Variants in TUBGCP3 observed in about 807,000 individuals in gnomAD.
TUBGCP3 encodes gamma-tubulin complex component 3.
TUBGCP3 carries 50 observed loss-of-function variants against 123.1 expected under a neutral mutation model. The ratio of observed to expected loss-of-function variants is 0.41; its 90% confidence interval spans 0.32 to 0.51. The LOEUF is 0.51. Among genes scored for constraint, TUBGCP3 ranks in the 20% least tolerant of loss-of-function variants. The pLI is 0.36. For synonymous variants in TUBGCP3, 405 were observed against 413.9 expected (o/e 0.98, Z 0.26); for missense variants, 882 against 1,127.0 (o/e 0.78, Z 3.11).
the TUBGCP3 span, among the ~76,000 whole-genome samples, chr13:112,596,104 T>C: frequency 4.6e-5 from 7 of 152,220 alleles, no homozygotes; most frequent in African/African-American, 1.4e-4. Context: ...AAATATTTCC[T>C]CTACAAACAT....
At chr13:112,560,195 C>T (rs1402211676) in intron 3 of TUBGCP3, among the ~76,000 whole-genome samples, 2 of 150,600 alleles carry the variant, frequency 1.3e-5, no homozygotes, top group Non-Finnish European at 3.0e-5. Flanking sequence ...CTTTGGGAGG[C>T]CGAGGCGGGC....
chr13:112,508,910 G>A lies in TUBGCP3; in HGVS notation c.2087-4196C>T, dbSNP rs891322271. On this transcript the variant is annotated intron_variant, in intron 17 of 21. Coordinates refer to ENST00000261965, the MANE Select transcript of TUBGCP3 (RefSeq NM_006322.6). This position sits in a 1 kb window ranked among gnomAD's most constrained non-coding sequence, Gnocchi z 4.2. ...AATCCATTCCCTTCCCTCCAGCCCC[G>A]CGGCTGCTGTAACCATAAAGGCCAA... Among the ~76,000 whole-genome samples, 3 of 151,958 alleles carry A rather than the reference G, an allele frequency of 2.0e-5. No homozygotes were observed. Among genetic ancestry groups the A allele is most frequent in the East Asian group, 1.9e-4 (1 of 5,162 alleles).
intron 5 of TUBGCP3, 57 bp from the exon 6 acceptor site, chr13:112,556,281 T>C: frequency 6.5e-7 from 1 of 1,537,944 alleles, no homozygotes; most frequent in Middle Eastern, 1.7e-4. Context: ...GAGACAAAAG[T>C]GTCCCTAGAA....
chr13:112,495,964 G>C (rs946374321), intron 20 of TUBGCP3, among the ~76,000 whole-genome samples: 2 of 151,986 alleles, frequency 1.3e-5, no homozygotes, highest in African/African-American at 4.8e-5. Context: ...TAGAATAAAA[G>C]AAGAAATATT....
At chr13:112,523,973 C>T (rs906510045) in intron 13 of TUBGCP3, among the ~76,000 whole-genome samples, 2 of 152,126 alleles carry the variant, frequency 1.3e-5, no homozygotes, top group African/African-American at 2.4e-5. Flanking sequence ...CTTTGCTCTC[C>T]GCAGACCCTG....
rs201766215 is a variant in TUBGCP3, at chr13:112,556,039, G to A, written c.721+13C>T. The stretch of plus-strand genomic sequence containing the variant: ...TTCACAGAAAAGCTGTATTAACATA[G>A]ATCCTTACTCACCACCCGTATCCCC... On this transcript the variant is annotated intron_variant, in intron 6 of 21. Coordinates refer to ENST00000261965, the MANE Select transcript of TUBGCP3 (RefSeq NM_006322.6). 1.2e-4 allele frequency: 186 copies of A among 1,608,656 alleles called. 1 individual carries two copies. In the African/African-American group the frequency reaches 2.3e-3, roughly 20 times the overall value.
chr13:112,518,168 C>G (rs910788721), intron 16 of TUBGCP3, among the ~76,000 whole-genome samples: 1 of 152,124 alleles, frequency 6.6e-6, no homozygotes, highest in South Asian at 2.1e-4. Flanking sequence ...GGTTTCTTAC[C>G]CCCAAGAGGA....
intron 8 of TUBGCP3, among the ~76,000 whole-genome samples, chr13:112,550,735 T>C (rs971271479): frequency 1.3e-5 from 2 of 152,228 alleles, no homozygotes; most frequent in Non-Finnish European, 2.9e-5. Context: ...CATCACTCTT[T>C]ACCAAAACTC....
In TUBGCP3 at chr13:112,508,045, C is replaced by T. The variant is rs1881421399; in HGVS notation, c.2087-3331G>A. On this transcript the variant is annotated intron_variant, in intron 17 of 21. Transcript: ENST00000261965. The surrounding 1 kb of genome is among the most constrained non-coding windows in gnomAD (Gnocchi z 4.2). ...GTCAGCCTAAACTCCTGACATCCCACTCCAGCCCATCCCAGTGCTGCCTGG... is the reference window on the plus strand; with the variant it reads ...GTCAGCCTAAACTCCTGACATCCCATTCCAGCCCATCCCAGTGCTGCCTGG... Among the ~76,000 whole-genome samples, 1 of 152,184 alleles carries T rather than the reference C, an allele frequency of 6.6e-6. No homozygotes were observed. The highest frequency in any genetic ancestry group is 6.5e-5 in the Admixed American group (1 of 15,282).
At chr13:112,553,991 T>G in intron 8 of TUBGCP3, 66 bp downstream of exon 8, 1 of 1,568,200 alleles carries the variant, frequency 6.4e-7, no homozygotes, top group Non-Finnish European at 8.6e-7. Context: ...CACAGTAAGA[T>G]TTCAACTAGA....
At chr13:112,514,326 G>A (rs566401515) in intron 17 of TUBGCP3, among the ~76,000 whole-genome samples, 1 of 152,056 alleles carries the variant, frequency 6.6e-6, no homozygotes, top group Admixed American at 6.5e-5. Context: ...ATCCCCTGTA[G>A]ATAAAGGGAA....
At chr13:112,491,635 GTCT>G (rs1880110043) in intron 20 of TUBGCP3, among the ~76,000 whole-genome samples, 1 of 152,188 alleles carries the variant, frequency 6.6e-6, no homozygotes, top group Non-Finnish European at 1.5e-5. Context: ...TTCCCAATTT[GTCT>G]TCTTTTCTCC....
intron 17 of TUBGCP3, among the ~76,000 whole-genome samples, chr13:112,510,163 G>A (rs1008135217): frequency 2.0e-5 from 3 of 152,062 alleles, no homozygotes; most frequent in African/African-American, 7.2e-5. Context: ...TAAGTGCCAG[G>A]CTCTTCTGTA....
chr13:112,597,854 G>A, the TUBGCP3 span, among the ~76,000 whole-genome samples: 1 of 152,146 alleles, frequency 6.6e-6, no homozygotes. Flanking sequence ...TTGGAATCCA[G>A]AAGGAGGGGA....
At chr13:112,572,945 G>A (rs1227332365) in intron 1 of TUBGCP3, among the ~76,000 whole-genome samples, 1 of 152,016 alleles carries the variant, frequency 6.6e-6, no homozygotes, top group African/African-American at 2.4e-5. Context: ...ACAATAAGAT[G>A]ACGTGTGCCT....
intron 16 of TUBGCP3, among the ~76,000 whole-genome samples, chr13:112,517,661 C>T (rs1181541216): frequency 2.0e-5 from 3 of 152,124 alleles, no homozygotes; most frequent in African/African-American, 7.2e-5. Context: ...GGGAGGGAGG[C>T]AGGTGGATCA....
At chr13:112,575,933 T>C (rs890687151) in intron 1 of TUBGCP3, among the ~76,000 whole-genome samples, 1 of 152,188 alleles carries the variant, frequency 6.6e-6, no homozygotes, top group African/African-American at 2.4e-5. Context: ...AGCCCAGCCC[T>C]GCAACCTGCA....
chr13:112,502,332 T>G (rs549570355), intron 19 of TUBGCP3, among the ~76,000 whole-genome samples: 1 of 152,192 alleles, frequency 6.6e-6, no homozygotes, highest in African/African-American at 2.4e-5. Flanking sequence ...CAGGCCGTGC[T>G]GGCCAACAGC....
At chr13:112,556,705 GCTCA>G (rs1021025000) in intron 5 of TUBGCP3, among the ~76,000 whole-genome samples, 1 of 152,110 alleles carries the variant, frequency 6.6e-6, no homozygotes, top group African/African-American at 2.4e-5. Flanking sequence ...CCTTCAGAGT[GCTCA>G]CTATGAAAAG....
Sources: allele counts gnomAD v4.1 joint callset (sites outside exome capture counted in the v4.1 genomes callset), GRCh38; gene constraint gnomAD v4.1.1; non-coding constraint Gnocchi (gnomAD v3.1); transcripts MANE v1.5; gene names NCBI Gene and HGNC (gene_info 2026-07-23, HGNC 2026-07-21).